The following YJEFN3 variants were observed in gnomAD, a reference collection of about 807,000 sequenced individuals.
The protein encoded by YJEFN3 is yjeF N-terminal domain-containing protein 3.
In YJEFN3, 29 loss-of-function variants were observed where a neutral mutation model predicts 31.5. The observed-to-expected ratio is 0.92, with a 90% CI of 0.69 to 1.26. The LOEUF is 1.26. Among genes scored for constraint, YJEFN3 ranks in the 50% most tolerant of loss-of-function variants. YJEFN3 has a pLI of 0.00. For synonymous variants in YJEFN3, 227 were observed against 196.1 expected (o/e 1.16, Z -1.32); for missense variants, 442 against 425.4 (o/e 1.04, Z -0.34).
At chr19:19,530,673 C>CCTT (rs894840475) in intron 2 of YJEFN3, among the ~76,000 whole-genome samples, 30 of 152,316 alleles carry the variant, frequency 2.0e-4, no homozygotes, top group African/African-American at 7.0e-4. Context: ...TGCAAACGCA[C>CCTT]CTCCTATGTG....
chr19:19,532,464 C>T (rs751721135), intron 2 of YJEFN3, among the ~76,000 whole-genome samples, 168 bp from the exon 3 acceptor site: 103 of 152,186 alleles, frequency 6.8e-4, no homozygotes, highest in Non-Finnish European at 1.2e-3. Context: ...GCGCGTCGCA[C>T]GGTGAAACTG....
intron 3 of YJEFN3, chr19:19,533,680 T>G (rs1411652810): frequency 2.0e-6 from 2 of 985,332 alleles, no homozygotes; most frequent in Non-Finnish European, 2.4e-6. Flanking sequence ...GGTATACTTT[T>G]TAAAAACTCA....
At position 19,534,229 on chromosome 19, in the gene YJEFN3, ACAGAGACAGC is replaced by A. The variant is rs766731597; in HGVS notation, c.319-796_319-787del. 2.0e-3 allele frequency: 1,858 copies of A among 936,122 alleles called. 1 individual carries two copies. Among genetic ancestry groups the A allele is most frequent in the Middle Eastern group, 3.3e-3 (6 of 1,810 alleles). The allele number at this position is 936,122 out of a possible 1,614,324, so 58.0% of individuals were successfully genotyped here. On this transcript the variant is annotated intron_variant, in intron 3 of 6. Coordinates refer to ENST00000514277, the MANE Select transcript of YJEFN3 (RefSeq NM_198537.4). The surrounding 1 kb of genome is among the most constrained non-coding windows in gnomAD (Gnocchi z 4.6). ...GGAGAGAGACAGATAACAGAGAGAT[ACAGAGACAGC>A]CAGAGACAAATGGAGAGAGAGACAA...
At chr19:19,537,064 A>G (rs1180609330) in intron 6 of YJEFN3, among the ~76,000 whole-genome samples, 1 of 151,878 alleles carries the variant, frequency 6.6e-6, no homozygotes, top group Non-Finnish European at 1.5e-5. Flanking sequence ...AACACCTCCA[A>G]GGACTGGGAG....
At chr19:19,535,503 A>T in intron 5 of YJEFN3, 26 bp from the exon 6 acceptor site, 3 of 1,609,802 alleles carry the variant, frequency 1.9e-6, no homozygotes, top group Non-Finnish European at 8.5e-7. Context: ...GCCCTGGGCC[A>T]CCCTGACCCT....
In YJEFN3 at chr19:19,535,117, G is replaced by T; in HGVS notation, c.402G>T (p.Leu134=). Residue 134 remains leucine (L), a synonymous_variant, in exon 4 of 7, where the codon CTG becomes CTT. Coordinates refer to ENST00000514277, the MANE Select transcript of YJEFN3 (RefSeq NM_198537.4). ...CGPEQNGAVG[L]VCARHLRVFE... The stretch of plus-strand genomic sequence containing the variant: ...CGGAGCAGAACGGGGCAGTGGGGCT[G>T]GTCTGTGCCCGGCACCTGCGGGTGT... The T allele has an allele frequency of 6.2e-7, 1 of 1,610,646 alleles. No individual in the cohort carries two copies. Among genetic ancestry groups the T allele is most frequent in the Non-Finnish European group, 8.5e-7 (1 of 1,178,020 alleles).
At chr19:19,529,617 T>C (rs974063042) in intron 2 of YJEFN3, 104 bp downstream of exon 2, 1 of 1,488,964 alleles carries the variant, frequency 6.7e-7, no homozygotes, top group Non-Finnish European at 9.0e-7. Context: ...TTGACCTCAC[T>C]GTGAACCAGA....
chr19:19,533,653 TTTC>T (rs2061180263), intron 3 of YJEFN3: 1 of 985,124 alleles, frequency 1.0e-6, no homozygotes, highest in Non-Finnish European at 1.2e-6. Flanking sequence ...TCCTCCTCTT[TTTC>T]TTCTTATTAC....
chr19:19,533,085 A>C (rs2144661542), intron 3 of YJEFN3: 2 of 1,082,906 alleles, frequency 1.8e-6, no homozygotes, highest in South Asian at 7.7e-5. Context: ...GAACACCCCT[A>C]AACAACCCTG....
At chr19:19,529,157 G>T in intron 1 of YJEFN3, 166 bp downstream of exon 1, 1 of 1,457,686 alleles carries the variant, frequency 6.9e-7, no homozygotes, top group Non-Finnish European at 9.1e-7. Flanking sequence ...CCACGGTGGG[G>T]AACCGGAGGC....
Position 19,535,093 on chromosome 19 carries a change from G to C in YJEFN3, c.378G>C (p.Pro126=). The C allele has an allele frequency of 6.2e-7, 1 of 1,612,022 alleles. No individual in the cohort carries two copies. The highest frequency in any genetic ancestry group is 8.5e-7 in the Non-Finnish European group (1 of 1,179,110). Residue 126 remains proline (P), a synonymous_variant, in exon 4 of 7, where the codon CCG becomes CCC. Coordinates refer to ENST00000514277, the MANE Select transcript of YJEFN3 (RefSeq NM_198537.4). ...GGACGGTGCTGGTCGTGTGTGGCCCGGAGCAGAACGGGGCAGTGGGGCTGG... is the reference window on the plus strand; with the variant it reads ...GGACGGTGCTGGTCGTGTGTGGCCCCGAGCAGAACGGGGCAGTGGGGCTGG... ...KQRTVLVVCG[P]EQNGAVGLVC...
In YJEFN3 at chr19:19,535,389, G is replaced by C. The variant is rs370472731; in HGVS notation, c.482G>C (p.Arg161Pro). ...ACACGCTCGCTGGACCTGCTGCATC[G>C]GGACCTGACCACCCAGTGCGAGAAG... ...YPTRSLDLLH[R>P]DLTTQCEKMD... Residue 161 changes from arginine to proline, a missense_variant, in exon 5 of 7, where the codon CGG (arginine) becomes CCG (proline). Physicochemically the swap from Arg to Pro is moderately radical, Grantham distance 103. Transcript: ENST00000514277. The C allele has an allele frequency of 6.2e-7, 1 of 1,613,832 alleles. No individual in the cohort carries two copies. The highest frequency in any genetic ancestry group is 1.3e-5 in the African/African-American group (1 of 74,908).
In YJEFN3 at chr19:19,535,593, C is replaced by T. The variant is rs757261449; in HGVS notation, c.608C>T (p.Pro203Leu). The change falls in exon 6 of 7, where the codon CCG (proline) becomes CTG (leucine). Residue 203 changes from proline (P) to leucine (L), a missense_variant. Physicochemically the swap from Pro to Leu is moderately conservative, Grantham distance 98. Coordinates refer to ENST00000514277, the MANE Select transcript of YJEFN3 (RefSeq NM_198537.4). ...GCCGTACTGGGCCCCGGCGTGGAGC[C>T]GGGCGAGGTCGGGGGCCCCTGCACC... is the stretch of plus-strand genomic sequence containing the variant. ...VDAVLGPGVE[P>L]GEVGGPCTRA... 1.0e-5 allele frequency: 16 copies of T among 1,579,672 alleles called. No individual in the cohort carries two copies. The highest frequency in any genetic ancestry group is 1.4e-5 in the African/African-American group (1 of 73,830).
intron 4 of YJEFN3, 85 bp from the exon 5 acceptor site, chr19:19,535,252 G>GA: frequency 6.6e-7 from 1 of 1,520,462 alleles, no homozygotes; most frequent in South Asian, 1.2e-5. Flanking sequence ...CCAGGTTATA[G>GA]AATATGCCCA....
In YJEFN3 at chr19:19,534,519, AAGAGAGCCAGAGACATAC is replaced by A. The variant is rs1251297818; in HGVS notation, c.319-508_319-491del. On this transcript the variant is annotated intron_variant, in intron 3 of 6. Coordinates refer to ENST00000514277, the MANE Select transcript of YJEFN3 (RefSeq NM_198537.4). The surrounding 1 kb of genome is among the most constrained non-coding windows in gnomAD (Gnocchi z 4.6). The stretch of plus-strand genomic sequence containing the variant: ...AGAGACAGGTGGGGAGAGAGACATG[AAGAGAGCCAGAGACATAC>A]AGAGAGACAGAGACACACAGAGAGA... 1 of 152,630 alleles carries A rather than the reference AAGAGAGCCAGAGACATAC, an allele frequency of 6.6e-6. No individual in the cohort carries two copies. The highest frequency in any genetic ancestry group is 1.5e-5 in the Non-Finnish European group (1 of 68,550). The allele number at this position is 152,630 out of a possible 1,614,324, so 9.5% of individuals were successfully genotyped here.
At chr19:19,529,821 G>A (rs565210815) in intron 2 of YJEFN3, among the ~76,000 whole-genome samples, 5 of 152,326 alleles carry the variant, frequency 3.3e-5, no homozygotes, top group South Asian at 2.1e-4. Flanking sequence ...GAGCTAGAAC[G>A]TAGTGGGGAA....
Position 19,535,378 on chromosome 19 carries a change from C to T in YJEFN3, c.471C>T (p.Asp157=). The T allele has an allele frequency of 6.2e-7, 1 of 1,613,982 alleles. No individual in the cohort carries two copies. The highest frequency in any genetic ancestry group is 8.5e-7 in the Non-Finnish European group (1 of 1,180,006). The change falls in exon 5 of 7, where the codon GAC becomes GAT. Residue 157 remains aspartate (D), a synonymous_variant. Transcript: ENST00000514277. ...TCTTCTACCCCACACGCTCGCTGGA[C>T]CTGCTGCATCGGGACCTGACCACCC... ...PTIFYPTRSL[D]LLHRDLTTQC...
In YJEFN3 at chr19:19,537,366, G is replaced by T; in HGVS notation, c.742G>T (p.Asp248Tyr). The change falls in exon 7 of 7, where the codon GAC (aspartate) becomes TAC (tyrosine). Residue 248 changes from aspartate to tyrosine, a missense_variant. Asp to Tyr is a radical substitution (Grantham distance 160). Coordinates refer to ENST00000514277, the MANE Select transcript of YJEFN3 (RefSeq NM_198537.4). ...GSDSEDGLRP[D>Y]VLVSLAAPKR... ...CGATTCGGAGGACGGGCTGCGGCCTGACGTGCTGGTGTCTCTCGCGGCGCC... is the reference window on the plus strand; with the variant it reads ...CGATTCGGAGGACGGGCTGCGGCCTTACGTGCTGGTGTCTCTCGCGGCGCC... 1 of 1,596,288 alleles carries T rather than the reference G, an allele frequency of 6.3e-7. No homozygotes were observed.
intron 3 of YJEFN3, chr19:19,533,148 T>C (rs1475227886): frequency 6.0e-6 from 6 of 1,006,538 alleles, no homozygotes; most frequent in Non-Finnish European, 7.1e-6. Context: ...CTGCCCTGGG[T>C]CAGAGGGGGA....
Sources: gnomAD v4.1 joint callset for allele counts (sites outside exome capture counted in the v4.1 genomes callset) on GRCh38, gnomAD v4.1.1 for gene constraint, Gnocchi (gnomAD v3.1) non-coding constraint, MANE v1.5 for transcripts, NCBI Gene and HGNC (gene_info 2026-07-23, HGNC 2026-07-21) for gene names.